RAB6A: variants seen among roughly 807,000 people sequenced by gnomAD.
RAB6A encodes RAB6A, member RAS oncogene family.
A neutral mutation model predicts 32.3 loss-of-function variants in RAB6A; 8 were observed. The ratio of observed to expected loss-of-function variants is 0.25; its 90% CI spans 0.15 to 0.45. RAB6A has a LOEUF of 0.45. RAB6A is among the 20% of genes least tolerant of loss of function. The pLI is 1.00. For synonymous variants in RAB6A, 73 were observed against 82.1 expected (o/e 0.89, Z 0.60); for missense variants, 104 against 249.4 (o/e 0.42, Z 3.93).
intron 1 of RAB6A, among the ~76,000 whole-genome samples, chr11:73,759,807 C>T (rs1946814031): frequency 1.3e-5 from 2 of 152,146 alleles, no homozygotes; most frequent in African/African-American, 4.8e-5. Context: ...ATTGAAAAAT[C>T]ATCAACATTG....
At position 73,758,710 on chromosome 11, in the gene RAB6A, C is replaced by T. The variant is rs77606968; in HGVS notation, c.70+1856G>A. ...AGGCAGGAAGATGAATAGGTTTTTT[C>T]ATGCAAACTAAATAGCTGTGCATCA... On this transcript the variant is annotated intron_variant, in intron 1 of 7. Coordinates refer to ENST00000336083, the MANE Select transcript of RAB6A (RefSeq NM_198896.2). 5.3e-3 allele frequency among the ~76,000 whole-genome samples: 801 copies of T among 152,278 alleles called. 7 individuals carry two copies. The highest frequency in any genetic ancestry group is 0.018 in the African/African-American group (730 of 41,554).
At chr11:73,735,615 G>A (rs1160843828) in intron 1 of RAB6A, among the ~76,000 whole-genome samples, 1 of 152,048 alleles carries the variant, frequency 6.6e-6, no homozygotes, top group Non-Finnish European at 1.5e-5. Context: ...AGGTATCTCA[G>A]GCCTTTAACA....
intron 1 of RAB6A, among the ~76,000 whole-genome samples, chr11:73,759,012 G>A (rs1946801550): frequency 1.3e-5 from 2 of 152,152 alleles, no homozygotes; most frequent in Admixed American, 1.3e-4. Flanking sequence ...CATGAAAGGA[G>A]AAAAATGATT....
At chr11:73,729,727 T>C (rs1946276485) in intron 2 of RAB6A, 2 of 152,248 alleles carry the variant, frequency 1.3e-5, no homozygotes, top group Non-Finnish European at 2.9e-5. Context: ...AAACTCACCT[T>C]TGAGTACTCC....
At chr11:73,727,874 T>G (rs1372786814) in intron 2 of RAB6A, among the ~76,000 whole-genome samples, 1 of 152,132 alleles carries the variant, frequency 6.6e-6, no homozygotes, top group Non-Finnish European at 1.5e-5. Context: ...GAAATCAAGT[T>G]TTTTTCTTTA....
intron 2 of RAB6A, among the ~76,000 whole-genome samples, chr11:73,725,013 A>G (rs1590866157): frequency 6.6e-6 from 1 of 152,238 alleles, no homozygotes; most frequent in East Asian, 1.9e-4. Flanking sequence ...GCCAGAGAAG[A>G]TAAGCTTTAG....
At chr11:73,716,603 T>G (rs1333326871) in intron 4 of RAB6A, among the ~76,000 whole-genome samples, 2 of 152,128 alleles carry the variant, frequency 1.3e-5, no homozygotes, top group African/African-American at 4.8e-5. Context: ...TTTTTGAACA[T>G]GATCAAATGA....
chr11:73,713,858 C>A (rs1015643460), intron 5 of RAB6A, among the ~76,000 whole-genome samples: 17 of 152,034 alleles, frequency 1.1e-4, no homozygotes, highest in African/African-American at 3.9e-4. Flanking sequence ...GTAATTTCAA[C>A]GCAACTGACA....
chr11:73,746,112 T>C (rs1186118719), intron 1 of RAB6A, among the ~76,000 whole-genome samples: 1 of 151,676 alleles, frequency 6.6e-6, no homozygotes, highest in Non-Finnish European at 1.5e-5. Context: ...GAGGATCACT[T>C]GAGCCCAGGG....
intron 2 of RAB6A, among the ~76,000 whole-genome samples, chr11:73,723,295 A>G (rs1590864318): frequency 6.6e-6 from 1 of 152,016 alleles, no homozygotes; most frequent in Admixed American, 6.6e-5. Flanking sequence ...GGGGAAAAAA[A>G]GAAAGATTTA....
At chr11:73,754,814 G>A (rs913861377) in intron 1 of RAB6A, among the ~76,000 whole-genome samples, 6 of 151,848 alleles carry the variant, frequency 4.0e-5, no homozygotes, top group African/African-American at 1.5e-4. Flanking sequence ...CAGCTATTCA[G>A]GAGGCTGAGG....
chr11:73,730,425 T>C (rs890724407), intron 2 of RAB6A: 9 of 183,790 alleles, frequency 4.9e-5, no homozygotes, highest in African/African-American at 2.1e-4. Context: ...TCTAATTTCA[T>C]TATTCATTTA....
chr11:73,712,587 G>A (rs1565359569), intron 5 of RAB6A, among the ~76,000 whole-genome samples: 1 of 152,056 alleles, frequency 6.6e-6, no homozygotes, highest in African/African-American at 2.4e-5. Flanking sequence ...CTGACCTCAG[G>A]TAATCCACCT....
intron 1 of RAB6A, among the ~76,000 whole-genome samples, chr11:73,749,104 AACAG>A (rs536418288): frequency 1.2e-4 from 18 of 152,124 alleles, no homozygotes; most frequent in Admixed American, 5.9e-4. Flanking sequence ...CAGCCTCGAC[AACAG>A]ACAAAGACTC....
At chr11:73,699,176 G>T (rs1250895011) in intron 6 of RAB6A, among the ~76,000 whole-genome samples, 15 of 151,600 alleles carry the variant, frequency 9.9e-5, no homozygotes, top group African/African-American at 3.6e-4. Flanking sequence ...TTTAAACAAA[G>T]CATTCCTCAA....
chr11:73,681,740 C>G (rs545015536), intron 6 of RAB6A, among the ~76,000 whole-genome samples: 1 of 152,066 alleles, frequency 6.6e-6, no homozygotes, highest in Non-Finnish European at 1.5e-5. Context: ...ACCCAGGAGC[C>G]GGAGGTTGCA....
Position 73,677,541 on chromosome 11 carries a change from A to C in RAB6A, c.*357T>G. 2.1e-6 allele frequency: 1 copy of C among 482,584 alleles called. No homozygotes were observed. Among genetic ancestry groups the C allele is most frequent in the Admixed American group, 3.9e-5 (1 of 25,372 alleles). The allele number at this position is 482,584 out of a possible 1,614,324, so 29.9% of individuals were successfully genotyped here. On this transcript the variant is annotated 3_prime_UTR_variant, in exon 8 of 8. Transcript: ENST00000336083. ...AGGAGAGATAAAGTAGGCTGTGAAC[A>C]TACCGCTCGTTAACCAAGCCATACT... is the stretch of plus-strand genomic sequence containing the variant.
At chr11:73,685,782 G>T (rs1945443108) in intron 6 of RAB6A, among the ~76,000 whole-genome samples, 1 of 149,688 alleles carries the variant, frequency 6.7e-6, no homozygotes, top group South Asian at 2.1e-4. Context: ...CTACTTGGGA[G>T]GGTGAGGCAG....
chr11:73,682,596 G>A (rs537364868), intron 6 of RAB6A, among the ~76,000 whole-genome samples: 13 of 152,260 alleles, frequency 8.5e-5, no homozygotes, highest in Middle Eastern at 6.8e-3. Flanking sequence ...CCGGGAGGTG[G>A]AGGATGCAGT....
Sources: allele counts gnomAD v4.1 joint callset (sites outside exome capture counted in the v4.1 genomes callset), GRCh38; gene constraint gnomAD v4.1.1; transcripts MANE v1.5; gene names NCBI Gene and HGNC (gene_info 2026-07-23, HGNC 2026-07-21).